The following CLIC5 variants were observed in gnomAD, a reference collection of about 807,000 sequenced individuals.
CLIC5 encodes the protein chloride intracellular channel protein 5.
CLIC5 carries 20 observed loss-of-function variants against 24.7 expected under a neutral mutation model. The ratio of observed to expected loss-of-function variants is 0.81; its 90% CI spans 0.57 to 1.18. The LOEUF is 1.18. Ranked by LOEUF, CLIC5 falls within the 50% of genes most tolerant of loss-of-function variation. The pLI, the probability that CLIC5 is intolerant of heterozygous loss-of-function variation, is 0.00. For synonymous variants in CLIC5, 159 were observed against 135.6 expected, an observed-to-expected ratio of 1.17 and a Z score of -1.20; for missense variants, 341 against 326.1, an observed-to-expected ratio of 1.05 and a Z score of -0.35.
the CLIC5 span, among the ~76,000 whole-genome samples, chr6:46,094,361 C>T: frequency 2.1e-3 from 314 of 152,294 alleles, no homozygotes; most frequent in African/African-American, 7.1e-3. Context: ...CTCAAAAGCC[C>T]AATGTCCAAA....
At chr6:45,933,539 T>C (rs1031270500) in intron 4 of CLIC5, among the ~76,000 whole-genome samples, 1 of 152,250 alleles carries the variant, frequency 6.6e-6, no homozygotes, top group Non-Finnish European at 1.5e-5. Flanking sequence ...GGAAGGTTTT[T>C]AGGGCTTTCT....
chr6:46,027,015 T>G (rs980543737), intron 1 of CLIC5, among the ~76,000 whole-genome samples: 3 of 152,202 alleles, frequency 2.0e-5, no homozygotes, highest in African/African-American at 4.8e-5. Context: ...CATGAATTTA[T>G]CTACTGACCA....
Position 45,902,957 on chromosome 6 carries a change from G to T in CLIC5, c.*131C>A. On this transcript the variant is annotated 3_prime_UTR_variant, in exon 6 of 6. Transcript: ENST00000339561. ...AAAGATAGCAGGCTGGAGTTCCCAT[G>T]ATACCAGCAAGATGAGGCTTGATTA... The T allele has an allele frequency of 1.0e-6, 1 of 987,510 alleles. No individual in the cohort carries two copies. The highest frequency in any genetic ancestry group is 1.5e-6 in the Non-Finnish European group (1 of 652,882). The allele number at this position is 987,510 out of a possible 1,614,324, so 61.2% of individuals were successfully genotyped here. A position where few individuals can be genotyped will look rare whatever the true frequency, so the allele number is the denominator to read the frequency against.
At chr6:46,083,373 C>T (rs62399717), upstream of CLIC5, among the ~76,000 whole-genome samples, 8,827 of 152,036 alleles carry the variant, frequency 0.058, 260 homozygotes, top group African/African-American at 0.077. Context: ...TGTTAGGGTG[C>T]CAATTTTGGA....
intron 1 of CLIC5, among the ~76,000 whole-genome samples, chr6:46,070,360 G>T (rs916841959): frequency 6.6e-6 from 1 of 152,126 alleles, no homozygotes; most frequent in Non-Finnish European, 1.5e-5. Context: ...AAGCTAGTAA[G>T]CAACTTCAGT....
At position 46,029,343 on chromosome 6, in the gene CLIC5, A is replaced by G. The variant is rs376115153; in HGVS notation, c.540+50360T>C. The stretch of plus-strand genomic sequence containing the variant: ...AATAATATTTGCATGGGATTTCCGA[A>G]ATTATTATCTTATCATAACAGCAGT... On this transcript the variant is annotated intron_variant, in intron 1 of 5. Coordinates refer to the CLIC5 transcript ENST00000185206. 3.6e-4 allele frequency among the ~76,000 whole-genome samples: 55 copies of G among 152,246 alleles called. No homozygotes were observed. In the East Asian group the frequency reaches 9.8e-3, roughly 27 times the overall value.
chr6:46,105,277 GTTGT>G, the CLIC5 span, among the ~76,000 whole-genome samples: 5 of 152,098 alleles, frequency 3.3e-5, no homozygotes, highest in Admixed American at 6.6e-5. Context: ...AGAAATATCA[GTTGT>G]TTGTCATGGT....
the CLIC5 span, among the ~76,000 whole-genome samples, chr6:46,092,263 A>G: frequency 6.6e-6 from 1 of 152,238 alleles, no homozygotes; most frequent in Admixed American, 6.5e-5. Context: ...TCACACTATA[A>G]TAACTCAGTT....
At chr6:46,114,715 A>G in the CLIC5 span, among the ~76,000 whole-genome samples, 1 of 152,174 alleles carries the variant, frequency 6.6e-6, no homozygotes, top group East Asian at 1.9e-4. Flanking sequence ...GAGAAAATAA[A>G]TTGCTATTGT....
rs534931661 is a variant in CLIC5, at chr6:46,064,566, A to G, written c.540+15137T>C. Among the ~76,000 whole-genome samples the G allele has an allele frequency of 1.1e-4, 16 of 152,314 alleles. 1 individual carries two copies. In the East Asian group the frequency reaches 3.1e-3, roughly 29 times the overall value. On this transcript the variant is annotated intron_variant, in intron 1 of 5. Coordinates refer to the CLIC5 transcript ENST00000185206. ...CTACAACATTCTACATATCAACAAC[A>G]TATCAACAACATTGTTGTAAATTCA...
the CLIC5 span, among the ~76,000 whole-genome samples, chr6:46,122,058 T>C: frequency 6.6e-6 from 1 of 152,078 alleles, no homozygotes; most frequent in African/African-American, 2.4e-5. Flanking sequence ...AGGAATAGAA[T>C]TCAGCTCTGC....
chr6:45,898,071 G>GTTTT (rs1762420584), downstream of CLIC5, among the ~76,000 whole-genome samples: 1 of 150,226 alleles, frequency 6.7e-6, no homozygotes, highest in African/African-American at 2.5e-5. Context: ...TTTTTGTTTT[G>GTTTT]TTTTGCTTTG....
At chr6:46,066,688 C>T (rs1478721833) in intron 1 of CLIC5, among the ~76,000 whole-genome samples, 4 of 152,072 alleles carry the variant, frequency 2.6e-5, no homozygotes, top group African/African-American at 9.7e-5. Context: ...TTGTAATAGA[C>T]TGGGGGAGAT....
chr6:45,997,678 T>G (rs1160576353), intron 1 of CLIC5, among the ~76,000 whole-genome samples: 3 of 152,002 alleles, frequency 2.0e-5, no homozygotes, highest in East Asian at 1.9e-4. Flanking sequence ...AACATATGAA[T>G]AGTGGGCAAA....
At chr6:46,060,369 T>C (rs542065291) in intron 1 of CLIC5, among the ~76,000 whole-genome samples, 1 of 152,326 alleles carries the variant, frequency 6.6e-6, no homozygotes, top group East Asian at 1.9e-4. Flanking sequence ...TTGAGGTTAC[T>C]TTTAAGAGAT....
intron 1 of CLIC5, among the ~76,000 whole-genome samples, chr6:45,994,847 T>A (rs1259825074): frequency 2.6e-5 from 4 of 152,134 alleles, no homozygotes. Flanking sequence ...TTATGTCTGC[T>A]CTTGCCCTCA....
chr6:46,077,789 A>G (rs1294173374), intron 1 of CLIC5, among the ~76,000 whole-genome samples: 1 of 152,202 alleles, frequency 6.6e-6, no homozygotes, highest in African/African-American at 2.4e-5. Flanking sequence ...TTGCTTTAGG[A>G]AATTTTAAGT....
At chr6:45,912,595 A>T in intron 5 of CLIC5, 2 of 1,449,890 alleles carry the variant, frequency 1.4e-6, no homozygotes, top group Non-Finnish European at 1.8e-6. Context: ...AATTCCAAAA[A>T]GATTAAATGA....
At chr6:46,028,609 A>T (rs1372355604) in intron 1 of CLIC5, among the ~76,000 whole-genome samples, 2 of 152,186 alleles carry the variant, frequency 1.3e-5, no homozygotes, top group African/African-American at 4.8e-5. Flanking sequence ...CTTCTAAGCC[A>T]TGTATGATCT....
Sources: allele counts gnomAD v4.1 joint callset (sites outside exome capture counted in the v4.1 genomes callset), GRCh38; gene constraint gnomAD v4.1.1; transcripts MANE v1.5; gene names NCBI Gene and HGNC (gene_info 2026-07-23, HGNC 2026-07-21).